Variants in IMMP2L observed in about 807,000 individuals in gnomAD.
The protein encoded by IMMP2L is inner mitochondrial membrane peptidase subunit 2.
Under a neutral mutation model 19.3 loss-of-function variants are expected in IMMP2L, and 18 were observed. That is an observed-to-expected ratio of 0.93 (90% CI 0.64 to 1.38). IMMP2L has a LOEUF of 1.38. IMMP2L is among the 40% of genes most tolerant of loss of function. IMMP2L has a pLI of 0.00. For synonymous variants in IMMP2L, 76 were observed against 73.0 expected, an observed-to-expected ratio of 1.04 and a Z score of -0.21; for missense variants, 233 against 218.2, an observed-to-expected ratio of 1.07 and a Z score of -0.43.
At chr7:111,475,432 G>T (rs1841632857) in intron 3 of IMMP2L, among the ~76,000 whole-genome samples, 1 of 151,324 alleles carries the variant, frequency 6.6e-6, no homozygotes, top group Admixed American at 6.6e-5. Context: ...AAAAGGAAAA[G>T]AAAAATGAAA....
intron 3 of IMMP2L, among the ~76,000 whole-genome samples, chr7:111,418,909 T>G (rs1835204530): frequency 6.6e-6 from 1 of 151,836 alleles, no homozygotes; most frequent in South Asian, 2.1e-4. Context: ...TTTTCTTTGA[T>G]TTACAGTTTA....
At chr7:111,384,164 G>A (rs1300472666) in intron 3 of IMMP2L, among the ~76,000 whole-genome samples, 2 of 151,600 alleles carry the variant, frequency 1.3e-5, no homozygotes, top group Non-Finnish European at 2.9e-5. Flanking sequence ...GAAGAAGAAG[G>A]AGGAGAAAGG....
chr7:111,093,351 A>C (rs2129578168), intron 3 of IMMP2L, among the ~76,000 whole-genome samples: 1 of 152,322 alleles, frequency 6.6e-6, no homozygotes, highest in East Asian at 1.9e-4. Flanking sequence ...GCTATTTATT[A>C]AAAGTGCTGC....
At chr7:110,666,401 A>G (rs895281767) in intron 5 of IMMP2L, among the ~76,000 whole-genome samples, 1 of 152,054 alleles carries the variant, frequency 6.6e-6, no homozygotes, top group African/African-American at 2.4e-5. Flanking sequence ...CAGCCTCCTG[A>G]GTAGCTGGGA....
At chr7:110,874,804 T>A (rs1238958172) in intron 5 of IMMP2L, among the ~76,000 whole-genome samples, 1 of 152,086 alleles carries the variant, frequency 6.6e-6, no homozygotes, top group Admixed American at 6.6e-5. Flanking sequence ...AAAAAATATA[T>A]TGACTCACAG....
intron 4 of IMMP2L, among the ~76,000 whole-genome samples, chr7:110,951,858 G>C (rs1817868137): frequency 6.6e-6 from 1 of 152,050 alleles, no homozygotes; most frequent in Admixed American, 6.6e-5. Flanking sequence ...TAACTTGAAT[G>C]TATCTGTTCC....
chr7:111,394,269 T>C (rs1832662937), intron 3 of IMMP2L, among the ~76,000 whole-genome samples: 1 of 152,132 alleles, frequency 6.6e-6, no homozygotes, highest in African/African-American at 2.4e-5. Context: ...CTCTCAACAG[T>C]TTCTGGCTTA....
intron 3 of IMMP2L, among the ~76,000 whole-genome samples, chr7:111,102,718 T>C (rs976194273): frequency 6.6e-6 from 1 of 151,546 alleles, no homozygotes; most frequent in Non-Finnish European, 1.5e-5. Flanking sequence ...TAATCCAGCT[T>C]CTTCGTGCTA....
At chr7:111,036,062 ATT>A (rs894414642) in intron 3 of IMMP2L, among the ~76,000 whole-genome samples, 64 of 152,268 alleles carry the variant, frequency 4.2e-4, no homozygotes, top group African/African-American at 1.5e-3. Context: ...TATTATTACT[ATT>A]TTTTATTATT....
At chr7:110,902,911 G>A (rs1812042610) in intron 4 of IMMP2L, among the ~76,000 whole-genome samples, 1 of 30,246 alleles carries the variant, frequency 3.3e-5, no homozygotes, top group Non-Finnish European at 4.9e-5. Context: ...CAGCCTGGGC[G>A]ACAGAGCGAG....
intron 3 of IMMP2L, among the ~76,000 whole-genome samples, chr7:111,380,913 T>C (rs1188363483): frequency 6.6e-6 from 1 of 151,312 alleles, no homozygotes; most frequent in Non-Finnish European, 1.5e-5. Flanking sequence ...CTAAGGTACC[T>C]GAGTTGATTC....
intron 3 of IMMP2L, among the ~76,000 whole-genome samples, chr7:111,450,528 C>G (rs1026026804): frequency 4.6e-5 from 7 of 150,750 alleles, no homozygotes; most frequent in Admixed American, 1.3e-4. Context: ...GAAACTGGAT[C>G]CCTTCCTTAC....
intron 2 of IMMP2L, among the ~76,000 whole-genome samples, chr7:111,502,962 AC>A (rs1360744292): frequency 1.3e-5 from 2 of 150,714 alleles, no homozygotes; most frequent in East Asian, 3.9e-4. Flanking sequence ...GCAAGAAATA[AC>A]TAAAATCAGA....
intron 2 of IMMP2L, among the ~76,000 whole-genome samples, chr7:111,506,270 G>A (rs1407437486): frequency 6.6e-6 from 1 of 151,648 alleles, no homozygotes; most frequent in Non-Finnish European, 1.5e-5. Flanking sequence ...TTCATAATAA[G>A]GTGGACACAC....
intron 4 of IMMP2L, among the ~76,000 whole-genome samples, chr7:110,931,740 C>G (rs1339439161): frequency 6.6e-6 from 1 of 152,076 alleles, no homozygotes; most frequent in Non-Finnish European, 1.5e-5. Context: ...GGCTTCCTAT[C>G]TTACTTAAAG....
chr7:110,712,970 C>T (rs939414023), intron 5 of IMMP2L, among the ~76,000 whole-genome samples: 1 of 151,728 alleles, frequency 6.6e-6, no homozygotes, highest in East Asian at 2.0e-4. Flanking sequence ...CACCCGTCTT[C>T]TGCGTCACTC....
At chr7:111,107,216 C>T (rs955475455) in intron 3 of IMMP2L, among the ~76,000 whole-genome samples, 2 of 151,900 alleles carry the variant, frequency 1.3e-5, no homozygotes, top group East Asian at 1.9e-4. Flanking sequence ...TCTCTTTCCT[C>T]TCCCATTTTT....
intron 3 of IMMP2L, among the ~76,000 whole-genome samples, chr7:111,417,778 T>C (rs1020450880): frequency 1.3e-5 from 2 of 151,958 alleles, no homozygotes; most frequent in African/African-American, 4.9e-5. Context: ...TTATTAGGAA[T>C]AGAGTTGATA....
intron 3 of IMMP2L, among the ~76,000 whole-genome samples, chr7:111,361,844 T>C (rs1829290000): frequency 6.6e-6 from 1 of 152,112 alleles, no homozygotes; most frequent in Non-Finnish European, 1.5e-5. Context: ...CTTTTTCTCA[T>C]CTACATTTTA....
Sources: allele counts gnomAD v4.1 joint callset (sites outside exome capture counted in the v4.1 genomes callset), GRCh38; gene constraint gnomAD v4.1.1; transcripts MANE v1.5; gene names NCBI Gene and HGNC (gene_info 2026-07-23, HGNC 2026-07-21).